Variants in CFAP47 observed in about 807,000 individuals in gnomAD.
CFAP47 encodes the protein cilia and flagella associated protein 47.
CFAP47 carries 29 observed loss-of-function variants against 148.1 expected under a neutral mutation model. That is an observed-to-expected ratio of 0.20 (90% CI 0.15 to 0.27). The LOEUF (loss-of-function observed/expected upper bound fraction) is 0.27. Ranked by LOEUF, CFAP47 falls within the 10% of genes least tolerant of loss-of-function variation. The probability of loss-of-function intolerance (pLI) is 1.00; values close to 1 mark genes in which losing one functional copy is unlikely to be tolerated. For missense variants in CFAP47, 1,872 were observed against 1,697.5 expected (o/e 1.10, Z -1.81); for synonymous variants, 664 against 577.3 (o/e 1.15, Z -2.15).
intron 10 of CFAP47, among the ~76,000 whole-genome samples, chrX:35,969,918 T>A (rs1936463157): frequency 1.8e-5 from 2 of 111,753 alleles, no homozygotes; most frequent in African/African-American, 6.5e-5. Context: ...TTTTTTTTCT[T>A]TTTTTTCATT....
At chrX:36,306,994 T>A (rs1032713359) in intron 55 of CFAP47, 118 bp downstream of exon 55, 35 of 322,125 alleles carry the variant, frequency 1.1e-4, no homozygotes, top group Non-Finnish European at 1.0e-4. Flanking sequence ...AAGTTAATTA[T>A]AAGTTAATTA....
chrX:36,297,405 G>A (rs1180332957), intron 51 of CFAP47, among the ~76,000 whole-genome samples: 4 of 112,240 alleles, frequency 3.6e-5, no homozygotes, highest in East Asian at 5.6e-4. Flanking sequence ...TCTAAAGTAC[G>A]TTTATTACCA....
chrX:36,121,469 G>T (rs763378696), intron 33 of CFAP47, among the ~76,000 whole-genome samples: 1 of 110,327 alleles, frequency 9.1e-6, no homozygotes, highest in South Asian at 3.8e-4. Context: ...TCTTCTCTTA[G>T]CGAGGGTGAT....
intron 1 of CFAP47, among the ~76,000 whole-genome samples, chrX:35,925,521 T>G (rs1935724868): frequency 8.9e-6 from 1 of 112,338 alleles, no homozygotes; most frequent in African/African-American, 3.2e-5. Flanking sequence ...GTACATCATA[T>G]TGTAGTCAAC....
At chrX:36,233,870 A>T (rs781859206) in intron 46 of CFAP47, among the ~76,000 whole-genome samples, 1,783 of 110,704 alleles carry the variant, frequency 0.016, 14 homozygotes, top group Non-Finnish European at 0.027. Context: ...TCCTTCACTT[A>T]TGAAGCTTAG....
chrX:36,373,848 A>C lies in CFAP47; in HGVS notation c.9186-5502A>C, dbSNP rs782043736. 9.8e-5 allele frequency among the ~76,000 whole-genome samples: 11 copies of C among 111,819 alleles called. 1 individual carries two copies. The South Asian group carries it at 3.7e-3, about 38-fold the overall frequency. ...GATGATCATGTAGCTTTTTTCTTTTAATTTGGCATATCACGTTGATTGATT... is the reference window on the plus strand; with the variant it reads ...GATGATCATGTAGCTTTTTTCTTTTCATTTGGCATATCACGTTGATTGATT... On this transcript the variant is annotated intron_variant, in intron 62 of 63. Transcript: ENST00000378653.
At chrX:36,122,543 G>A in intron 33 of CFAP47, among the ~76,000 whole-genome samples, 1 of 110,871 alleles carries the variant, frequency 9.0e-6, no homozygotes, top group Non-Finnish European at 1.9e-5. Flanking sequence ...CTATCTTCAA[G>A]CTCAGTAATT....
intron 33 of CFAP47, among the ~76,000 whole-genome samples, chrX:36,132,794 C>A (rs1311696353): frequency 9.0e-6 from 1 of 111,670 alleles, no homozygotes; most frequent in Non-Finnish European, 1.9e-5. Context: ...ACGGCCCATG[C>A]CTACTGGTAT....
intron 26 of CFAP47, among the ~76,000 whole-genome samples, chrX:36,061,767 A>T (rs184647449): frequency 6.3e-5 from 7 of 111,979 alleles, no homozygotes; most frequent in African/African-American, 9.7e-5. Context: ...TATTCCATTG[A>T]TTTTAAGTCT....
intron 32 of CFAP47, among the ~76,000 whole-genome samples, chrX:36,100,937 G>A (rs1938365658): frequency 9.1e-6 from 1 of 110,490 alleles, no homozygotes; most frequent in African/African-American, 3.3e-5. Context: ...AGGAGTCCAG[G>A]GCCCTCATGT....
At chrX:36,238,760 C>T (rs1940504742) in intron 48 of CFAP47, among the ~76,000 whole-genome samples, 2 of 112,027 alleles carry the variant, frequency 1.8e-5, no homozygotes, top group Non-Finnish European at 3.8e-5. Flanking sequence ...TTTCACGCAT[C>T]AAAAGCATCC....
chrX:36,123,381 TTC>T (rs1938780966), intron 33 of CFAP47, among the ~76,000 whole-genome samples: 1 of 111,819 alleles, frequency 8.9e-6, no homozygotes, highest in Non-Finnish European at 1.9e-5. Flanking sequence ...GGGTGGTGAG[TTC>T]CCCCAGGTCC....
intron 13 of CFAP47, 50 bp downstream of exon 13, chrX:35,972,015 A>T: frequency 3.9e-6 from 3 of 778,614 alleles, no homozygotes; most frequent in African/African-American, 2.3e-5. Context: ...TATAAAAAAA[A>T]GATTTCTTAA....
chrX:36,118,763 C>T (rs1376682420), intron 33 of CFAP47, among the ~76,000 whole-genome samples: 6 of 111,778 alleles, frequency 5.4e-5, no homozygotes, highest in East Asian at 5.6e-4. Context: ...TGTGAGCCAC[C>T]GCGCCCATGC....
At chrX:36,164,545 C>A (rs186073093) in intron 39 of CFAP47, among the ~76,000 whole-genome samples, 191 of 111,208 alleles carry the variant, frequency 1.7e-3, no homozygotes, top group Non-Finnish European at 3.2e-3. Flanking sequence ...TATTTTTTAT[C>A]TTTCAATCTA....
chrX:36,357,090 G>A (rs1479431786), intron 60 of CFAP47, among the ~76,000 whole-genome samples: 1 of 111,699 alleles, frequency 9.0e-6, no homozygotes, highest in Non-Finnish European at 1.9e-5. Flanking sequence ...GTGAATCCTG[G>A]AATCAAGACA....
intron 55 of CFAP47, among the ~76,000 whole-genome samples, chrX:36,309,721 T>A (rs114833364): frequency 0.018 from 2,038 of 111,292 alleles, 39 homozygotes; most frequent in African/African-American, 0.061. Flanking sequence ...GTTCTCCCAT[T>A]TAAGATTTCT....
At chrX:36,340,413 G>T (rs1427491699) in intron 57 of CFAP47, among the ~76,000 whole-genome samples, 1 of 111,800 alleles carries the variant, frequency 8.9e-6, no homozygotes, top group Non-Finnish European at 1.9e-5. Flanking sequence ...CAGACTGAGT[G>T]ACTTAAATGA....
intron 29 of CFAP47, among the ~76,000 whole-genome samples, chrX:36,075,591 C>T (rs1937837975): frequency 9.0e-6 from 1 of 111,541 alleles, no homozygotes; most frequent in Non-Finnish European, 1.9e-5. Flanking sequence ...AATATACATG[C>T]ATATATTGTG....
Sources: gnomAD v4.1 joint callset for allele counts (sites outside exome capture counted in the v4.1 genomes callset) on GRCh38, gnomAD v4.1.1 for gene constraint, MANE v1.5 for transcripts, NCBI Gene and HGNC (gene_info 2026-07-23, HGNC 2026-07-21) for gene names.